Variants in CHGA observed in about 807,000 individuals in gnomAD.
CHGA encodes the protein chromogranin-A.
CHGA carries 41 observed loss-of-function variants against 54.4 expected under a neutral mutation model. The ratio of observed to expected loss-of-function variants is 0.75; its 90% CI spans 0.59 to 0.98. The LOEUF (loss-of-function observed/expected upper bound fraction) is 0.98, where lower values mean the gene tolerates loss of function less well. CHGA is among the 50% of genes least tolerant of loss of function. The pLI, the probability that CHGA is intolerant of heterozygous loss-of-function variation, is 0.00. For synonymous variants in CHGA, 249 were observed against 232.8 expected (o/e 1.07, Z -0.63); for missense variants, 576 against 582.3 (o/e 0.99, Z 0.11).
At chr14:92,931,919 T>G (rs1022475432) in intron 6 of CHGA, among the ~76,000 whole-genome samples, 2 of 152,080 alleles carry the variant, frequency 1.3e-5, no homozygotes, top group African/African-American at 4.8e-5. Flanking sequence ...CTACCCCAGA[T>G]TTATCTGACT....
At position 92,935,029 on chromosome 14, in the gene CHGA, C is replaced by A; in HGVS notation, c.*145C>A. The A allele has an allele frequency of 1.6e-6, 1 of 612,020 alleles. No individual in the cohort carries two copies. The highest frequency in any genetic ancestry group is 2.7e-6 in the Non-Finnish European group (1 of 365,938). 37.9% of individuals were successfully genotyped at this position (612,020 alleles called of 1,614,324 possible). A position where few individuals can be genotyped will look rare whatever the true frequency, so the allele number is the denominator to read the frequency against. ...GCCCAAGCCCAGGCCACCCTATCGC[C>A]CCCTACGCGCCTTGTCTCCTACTCC... On this transcript the variant is annotated 3_prime_UTR_variant, in exon 8 of 8. Coordinates refer to ENST00000216492, the MANE Select transcript of CHGA (RefSeq NM_001275.4).
intron 2 of CHGA, among the ~76,000 whole-genome samples, chr14:92,925,485 TA>T (rs9658643): frequency 0.45 from 68,292 of 152,016 alleles, 15,634 homozygotes; most frequent in Admixed American, 0.57. Context: ...AGCAGCTGGC[TA>T]AGACCTGAAG....
rs9658650 is a variant in CHGA at position 92,929,726 on chromosome 14, A to G, written c.266A>G (p.Glu89Gly). Residue 89 changes from glutamate (E) to glycine (G), a missense_variant, in exon 5 of 8, where the codon GAG (glutamate) becomes GGG (glycine). Physicochemically the swap from Glu to Gly is moderately conservative, Grantham distance 98. Coordinates refer to ENST00000216492, the MANE Select transcript of CHGA (RefSeq NM_001275.4). ...CCTTTTCTCATACCAGGCGCCAAGG[A>G]GAGGGCACATCAGCAGAAGAAACAC... ...LQDLALQGAK[E>G]RAHQQKKHSG... is the part of the protein sequence containing the mutation. The G allele has an allele frequency of 9.2e-5, 149 of 1,613,976 alleles. 2 individuals are homozygous for G. In the African/African-American group the frequency reaches 1.6e-3, roughly 18 times the overall value.
At chr14:92,928,336 T>C (rs2295401) in intron 4 of CHGA, among the ~76,000 whole-genome samples, 47,512 of 152,098 alleles carry the variant, frequency 0.31, 8,117 homozygotes, top group African/African-American at 0.46. Context: ...GACCAGGCCA[T>C]GTGTGAGAAC....
In CHGA at chr14:92,931,661, C is replaced by T. The variant is rs751778608; in HGVS notation, c.767C>T (p.Pro256Leu). Residue 256 changes from proline to leucine, a missense_variant, in exon 6 of 8, where the codon CCC becomes CTC. Coordinates refer to ENST00000216492, the MANE Select transcript of CHGA (RefSeq NM_001275.4). ...EEEGPTVVLN[P>L]HPSLGYKEIR... ...GAAGGCCCCACTGTAGTGCTGAACC[C>T]CCACCCGAGCCTTGGCTACAAGGAG... is the stretch of plus-strand genomic sequence containing the variant. 2 of 1,595,140 alleles carry T rather than the reference C, an allele frequency of 1.3e-6. No homozygotes were observed. Among genetic ancestry groups the T allele is most frequent in the Admixed American group, 1.7e-5 (1 of 58,842 alleles).
chr14:92,926,443 TCTGG>T, intron 2 of CHGA, 158 bp from the exon 3 acceptor site: 1 of 629,004 alleles, frequency 1.6e-6, no homozygotes, highest in Non-Finnish European at 2.9e-6. Context: ...GCTATCACTG[TCTGG>T]CTAAGAAAGC....
Position 92,932,148 on chromosome 14 carries a change from T to C in CHGA, c.809-222T>C. The stretch of plus-strand genomic sequence containing the variant: ...TTCCTCACTCTCCAGCTGCCGGGCT[T>C]CTGGGGTGAGGATGAGGGGAAGAGG... On this transcript the variant is annotated intron_variant, in intron 6 of 7. Coordinates refer to ENST00000216492, the MANE Select transcript of CHGA (RefSeq NM_001275.4). This position sits in a 1 kb window ranked among gnomAD's most constrained non-coding sequence, Gnocchi z 5.3. 5.4e-6 allele frequency: 3 copies of C among 551,066 alleles called. No homozygotes were observed. Among genetic ancestry groups the C allele is most frequent in the Admixed American group, 6.7e-5 (2 of 29,936 alleles). The allele number at this position is 551,066 out of a possible 1,614,324, so 34.1% of individuals were successfully genotyped here.
chr14:92,925,627 G>T (rs1171331779), intron 2 of CHGA, among the ~76,000 whole-genome samples: 1 of 152,170 alleles, frequency 6.6e-6, no homozygotes, highest in Non-Finnish European at 1.5e-5. Flanking sequence ...TGCCGGTGTT[G>T]CCTGATGCCT....
chr14:92,926,714 T>C lies in CHGA; in HGVS notation c.187+16T>C, dbSNP rs905500347. The C allele has an allele frequency of 5.6e-6, 9 of 1,609,058 alleles. No individual in the cohort carries two copies. Among genetic ancestry groups the C allele is most frequent in the Non-Finnish European group, 7.7e-6 (9 of 1,175,672 alleles). ...CTCCGAGGAGGTATGAGCTGGAGGCTAGGGGTGAGGGCTGCTGCCTGCTGG... is the reference window on the plus strand; with the variant it reads ...CTCCGAGGAGGTATGAGCTGGAGGCCAGGGGTGAGGGCTGCTGCCTGCTGG... On this transcript the variant is annotated intron_variant, in intron 3 of 7. Coordinates refer to ENST00000216492, the MANE Select transcript of CHGA (RefSeq NM_001275.4).
rs764026872 is a variant in CHGA at position 92,927,566 on chromosome 14, C to T, written c.204C>T (p.Ser68=). ...ETLRGDERIL[S]ILRHQNLLKE... is the part of the protein sequence containing the mutation. ...TCATTGCAGATGAACGGATCCTTTC[C>T]ATTCTGAGACATCAGAATTTACTGA... Residue 68 remains serine, a synonymous_variant, in exon 4 of 8, where the codon TCC becomes TCT. Coordinates refer to ENST00000216492, the MANE Select transcript of CHGA (RefSeq NM_001275.4). The T allele has an allele frequency of 6.2e-7, 1 of 1,613,582 alleles. No individual in the cohort carries two copies. Among genetic ancestry groups the T allele is most frequent in the East Asian group, 2.2e-5 (1 of 44,864 alleles).
intron 4 of CHGA, among the ~76,000 whole-genome samples, chr14:92,929,207 G>C (rs557349752): frequency 3.9e-5 from 6 of 152,182 alleles, no homozygotes; most frequent in Non-Finnish European, 4.4e-5. Context: ...CCTTCTCCCC[G>C]GGCCTGGACT....
At chr14:92,930,219 AC>A (rs1886967585) in intron 5 of CHGA, among the ~76,000 whole-genome samples, 1 of 152,226 alleles carries the variant, frequency 6.6e-6, no homozygotes, top group African/African-American at 2.4e-5. Flanking sequence ...ATGCAGGAGG[AC>A]CACAGACAGA....
intron 1 of CHGA, 143 bp from the exon 2 acceptor site, chr14:92,924,056 A>G: frequency 1.1e-6 from 1 of 941,816 alleles, no homozygotes; most frequent in Non-Finnish European, 1.6e-6. Flanking sequence ...GAAGGGAAAC[A>G]AAATCAGCCC....
chr14:92,923,420 G>C lies in CHGA; in HGVS notation c.46+15G>C, dbSNP rs1399210382. 3.2e-6 allele frequency: 4 copies of C among 1,258,318 alleles called. No individual in the cohort carries two copies. Among genetic ancestry groups the C allele is most frequent in the Non-Finnish European group, 4.0e-6 (4 of 1,002,170 alleles). The allele number at this position is 1,258,318 out of a possible 1,614,324, so 77.9% of individuals were successfully genotyped here. A position where few individuals can be genotyped will look rare whatever the true frequency, so the allele number is the denominator to read the frequency against. On this transcript the variant is annotated intron_variant, in intron 1 of 7. Transcript: ENST00000216492. ...CGCCGGGCAAGGTGAGCGAGCGCGG[G>C]GAGCTCGCGGGAGAGGGTTCCGGGC... is the stretch of plus-strand genomic sequence containing the variant.
At position 92,926,060 on chromosome 14, in the gene CHGA, G is replaced by A. The variant is rs76759871; in HGVS notation, c.94-545G>A. 1.4e-4 allele frequency: 22 copies of A among 153,794 alleles called. No homozygotes were observed. The East Asian group carries it at 4.0e-3, about 28-fold the overall frequency. The allele number at this position is 153,794 out of a possible 1,614,324, so 9.5% of individuals were successfully genotyped here. A position where few individuals can be genotyped will look rare whatever the true frequency, so the allele number is the denominator to read the frequency against. ...ACCCATCCCATGATGAACATGGAGT[G>A]AGAATATGAAGCTGTGACTCCTTGC... On this transcript the variant is annotated intron_variant, in intron 2 of 7. Coordinates refer to ENST00000216492, the MANE Select transcript of CHGA (RefSeq NM_001275.4).
At chr14:92,931,811 A>C in intron 6 of CHGA, 109 bp downstream of exon 6, 1 of 1,141,460 alleles carries the variant, frequency 8.8e-7, no homozygotes, top group Non-Finnish European at 1.3e-6. Context: ...CCTGAAAGGT[A>C]GGTATTAGCT....
At position 92,932,960 on chromosome 14, in the gene CHGA, G is replaced by T. The variant is rs957898887; in HGVS notation, c.1290+109G>T. The T allele has an allele frequency of 7.1e-7, 1 of 1,411,744 alleles. No individual in the cohort carries two copies. Among genetic ancestry groups the T allele is most frequent in the African/African-American group, 1.4e-5 (1 of 69,140 alleles). The allele number at this position is 1,411,744 out of a possible 1,614,324, so 87.5% of individuals were successfully genotyped here. A position where few individuals can be genotyped will look rare whatever the true frequency, so the allele number is the denominator to read the frequency against. Reference sequence around the variant, plus strand: ...ACTGAGGGGACAGGGCCCCCCCGCCGAAGTCTGGGGATGGAGAGATGCTCA... The same window carrying T: ...ACTGAGGGGACAGGGCCCCCCCGCCTAAGTCTGGGGATGGAGAGATGCTCA... On this transcript the variant is annotated intron_variant, in intron 7 of 7. Transcript: ENST00000216492. The surrounding 1 kb of genome is among the most constrained non-coding windows in gnomAD (Gnocchi z 5.3).
intron 2 of CHGA, 22 bp downstream of exon 2, chr14:92,924,267 G>A: frequency 6.2e-7 from 1 of 1,606,590 alleles, no homozygotes; most frequent in Non-Finnish European, 8.5e-7. Context: ...TGCTGGGGAT[G>A]AGGGGTAGGA....
rs374728786 is a variant in CHGA, at chr14:92,933,594, G to T, written c.1290+743G>T. On this transcript the variant is annotated intron_variant, in intron 7 of 7. Transcript: ENST00000216492. ...GCCTAGTGTCCAGGTAGGAACCCAGGCTCTGTGGGAAGGCTGACACCTGTC... is the reference window on the plus strand; with the variant it reads ...GCCTAGTGTCCAGGTAGGAACCCAGTCTCTGTGGGAAGGCTGACACCTGTC... Among the ~76,000 whole-genome samples, 23 of 152,238 alleles carry T rather than the reference G, an allele frequency of 1.5e-4. 1 individual carries two copies. The East Asian group carries it at 4.1e-3, about 27-fold the overall frequency.
Sources: gnomAD v4.1 joint callset for allele counts (sites outside exome capture counted in the v4.1 genomes callset) on GRCh38, gnomAD v4.1.1 for gene constraint, Gnocchi (gnomAD v3.1) non-coding constraint, MANE v1.5 for transcripts, NCBI Gene and HGNC (gene_info 2026-07-23, HGNC 2026-07-21) for gene names.